The following CDIN1 variants were observed in gnomAD, a reference collection of about 807,000 sequenced individuals.
CDIN1 encodes the protein CDAN1-interacting nuclease 1.
In CDIN1, 33 loss-of-function variants were observed where a neutral mutation model predicts 45.3. That is an observed-to-expected ratio of 0.73 (90% confidence interval 0.55 to 0.97). The LOEUF (loss-of-function observed/expected upper bound fraction) is 0.97. Among genes scored for constraint, CDIN1 ranks in the 50% least tolerant of loss-of-function variants. CDIN1 has a pLI of 0.00. For synonymous variants in CDIN1, 118 were observed against 124.4 expected, an observed-to-expected ratio of 0.95 and a Z score of 0.34; for missense variants, 303 against 339.4, an observed-to-expected ratio of 0.89 and a Z score of 0.84.
At chr15:36,599,059 T>G (rs985431879) in intron 1 of CDIN1, among the ~76,000 whole-genome samples, 1 of 152,048 alleles carries the variant, frequency 6.6e-6, no homozygotes. Flanking sequence ...GGCCTGTGCT[T>G]ATTTTTATGA....
In CDIN1 at chr15:36,733,765, A is replaced by G. The variant is rs1180278659; in HGVS notation, c.716+23804A>G. Among the ~76,000 whole-genome samples, 7 of 152,186 alleles carry G rather than the reference A, an allele frequency of 4.6e-5. No individual in the cohort carries two copies. In the East Asian group the frequency reaches 1.3e-3, roughly 29 times the overall value. ...GCCTTAATTACAGAGCAAGAAAAAGAGAAGGCACAGTCTTTTCGCATATGA... is the reference window on the plus strand; with the variant it reads ...GCCTTAATTACAGAGCAAGAAAAAGGGAAGGCACAGTCTTTTCGCATATGA... On this transcript the variant is annotated intron_variant, in intron 10 of 10. Coordinates refer to ENST00000566621, the MANE Select transcript of CDIN1 (RefSeq NM_001321759.2).
intron 10 of CDIN1, among the ~76,000 whole-genome samples, chr15:36,754,419 G>C (rs889497114): frequency 6.6e-5 from 10 of 152,200 alleles, no homozygotes; most frequent in East Asian, 1.9e-4. Context: ...AAACAGGATT[G>C]CTTATGCAGT....
intron 10 of CDIN1, among the ~76,000 whole-genome samples, chr15:36,728,427 A>G (rs1188895392): frequency 6.6e-6 from 1 of 152,110 alleles, no homozygotes; most frequent in African/African-American, 2.4e-5. Context: ...AAGGCACTCA[A>G]ATGAGCAGGG....
intron 9 of CDIN1, 98 bp from the exon 10 acceptor site, chr15:36,709,758 G>C (rs569162490): frequency 1.2e-6 from 1 of 849,206 alleles, no homozygotes; most frequent in African/African-American, 1.7e-5. Flanking sequence ...GGCTAAGCCT[G>C]TGCTCATTAA....
intron 1 of CDIN1, among the ~76,000 whole-genome samples, chr15:36,626,137 A>G (rs2039413026): frequency 6.6e-6 from 1 of 151,458 alleles, no homozygotes; most frequent in South Asian, 2.1e-4. Flanking sequence ...TATGTGATAT[A>G]TATAATTTAT....
intron 10 of CDIN1, among the ~76,000 whole-genome samples, chr15:36,731,111 CAT>C (rs1344052487): frequency 2.6e-5 from 4 of 152,152 alleles, no homozygotes; most frequent in South Asian, 4.2e-4. Context: ...GTAAACTGCA[CAT>C]GTGTCAAAGT....
chr15:36,781,425 C>T (rs1476992734), intron 10 of CDIN1, among the ~76,000 whole-genome samples: 1 of 152,124 alleles, frequency 6.6e-6, no homozygotes, highest in Admixed American at 6.5e-5. Context: ...GGTCACACAG[C>T]CAATTACAGT....
At position 36,588,845 on chromosome 15, in the gene CDIN1, A is replaced by C. The variant is rs576142427; in HGVS notation, c.101+8884A>C. 2.0e-5 allele frequency among the ~76,000 whole-genome samples: 3 copies of C among 152,302 alleles called. No individual in the cohort carries two copies. In the South Asian group the frequency reaches 6.2e-4, roughly 32 times the overall value. ...TTTGCATTGTGTAGCTGCGAAAGGGATATGAGCTTGAATTCTTCGCAGAGG... is the reference window on the plus strand; with the variant it reads ...TTTGCATTGTGTAGCTGCGAAAGGGCTATGAGCTTGAATTCTTCGCAGAGG... On this transcript the variant is annotated intron_variant, in intron 1 of 10. Transcript: ENST00000566621.
chr15:36,717,307 T>C (rs2043248862), intron 10 of CDIN1, among the ~76,000 whole-genome samples: 1 of 152,186 alleles, frequency 6.6e-6, no homozygotes, highest in Non-Finnish European at 1.5e-5. Context: ...GATGCCTCTT[T>C]ATAATCCACT....
chr15:36,581,607 G>C (rs2037048830), intron 1 of CDIN1, among the ~76,000 whole-genome samples: 1 of 152,230 alleles, frequency 6.6e-6, no homozygotes, highest in South Asian at 2.1e-4. Flanking sequence ...GCTGGGTGTG[G>C]TGGCTCACGC....
chr15:36,634,481 T>C (rs62002293), intron 1 of CDIN1, among the ~76,000 whole-genome samples: 3 of 152,142 alleles, frequency 2.0e-5, no homozygotes, highest in African/African-American at 7.2e-5. Flanking sequence ...CTAAATACTT[T>C]ATGGCCTTTG....
intron 3 of CDIN1, among the ~76,000 whole-genome samples, chr15:36,650,528 C>T (rs2040533021): frequency 6.6e-6 from 1 of 151,628 alleles, no homozygotes; most frequent in Admixed American, 6.6e-5. Context: ...CTGCAAACTC[C>T]ACCTCCCAGG....
chr15:36,615,916 C>T (rs1299643653), intron 1 of CDIN1, among the ~76,000 whole-genome samples: 1 of 152,156 alleles, frequency 6.6e-6, no homozygotes, highest in African/African-American at 2.4e-5. Context: ...TCCCAGGTAT[C>T]CTCCTTCATA....
intron 10 of CDIN1, among the ~76,000 whole-genome samples, chr15:36,776,662 T>C (rs902755469): frequency 6.6e-6 from 1 of 152,220 alleles, no homozygotes; most frequent in African/African-American, 2.4e-5. Context: ...TTCTGTGACA[T>C]TTATAGGATC....
chr15:36,679,661 G>C (rs780515641), intron 5 of CDIN1, among the ~76,000 whole-genome samples: 2 of 152,128 alleles, frequency 1.3e-5, no homozygotes, highest in Non-Finnish European at 2.9e-5. Context: ...TATTGGTCCT[G>C]TTATATGACT....
intron 1 of CDIN1, among the ~76,000 whole-genome samples, chr15:36,581,369 A>G (rs1176893343): frequency 6.6e-6 from 1 of 152,084 alleles, no homozygotes; most frequent in African/African-American, 2.4e-5. Flanking sequence ...TGTCTTCTCT[A>G]TAATAAGTAA....
At position 36,722,985 on chromosome 15, in the gene CDIN1, G is replaced by GTGTGTGTGTGTT. The variant is rs111713255; in HGVS notation, c.716+13025_716+13026insGTGTGTGTGTTT. Among the ~76,000 whole-genome samples the GTGTGTGTGTGTT allele has an allele frequency of 5.9e-3, 708 of 119,170 alleles. 6 individuals carry two copies. Among genetic ancestry groups the GTGTGTGTGTGTT allele is most frequent in the Middle Eastern group, 9.4e-3 (2 of 212 alleles). 78.2% of individuals were successfully genotyped at this position (119,170 alleles called of 152,430 possible). ...TGTGTGTGTGTGTGTGTGTGTGTGT[G>GTGTGTGTGTGTT]TTTCTCTCTCCCTTACATTCTTCCA... On this transcript the variant is annotated intron_variant, in intron 10 of 10. Coordinates refer to ENST00000566621, the MANE Select transcript of CDIN1 (RefSeq NM_001321759.2).
intron 7 of CDIN1, among the ~76,000 whole-genome samples, chr15:36,693,118 T>C (rs1221793337): frequency 6.6e-6 from 1 of 152,190 alleles, no homozygotes; most frequent in Non-Finnish European, 1.5e-5. Flanking sequence ...AGTCAAATCG[T>C]GTACATGTAT....
chr15:36,630,792 T>C lies in CDIN1; in HGVS notation c.102-13486T>C, dbSNP rs138186579. On this transcript the variant is annotated intron_variant, in intron 1 of 10. Transcript: ENST00000566621. Reference sequence around the variant, plus strand: ...GGTGGAAGGCAAAGGGGAGCTGATATGTGCAGAGACCACATGGTGAGAGAG... The same window carrying C: ...GGTGGAAGGCAAAGGGGAGCTGATACGTGCAGAGACCACATGGTGAGAGAG... Among the ~76,000 whole-genome samples, 53 of 152,184 alleles carry C rather than the reference T, an allele frequency of 3.5e-4. No individual in the cohort carries two copies. In the East Asian group the frequency reaches 8.1e-3, roughly 23 times the overall value.
Sources: allele counts gnomAD v4.1 joint callset (sites outside exome capture counted in the v4.1 genomes callset), GRCh38; gene constraint gnomAD v4.1.1; transcripts MANE v1.5; gene names NCBI Gene and HGNC (gene_info 2026-07-23, HGNC 2026-07-21).